The following CDH13 variants were observed in gnomAD, a reference collection of about 807,000 sequenced individuals.
CDH13 encodes the protein cadherin-13.
In CDH13, 24 loss-of-function variants were observed where a neutral mutation model predicts 63.8. That is an observed-to-expected ratio of 0.38 (90% CI 0.27 to 0.53). CDH13 has a LOEUF of 0.53. Among genes scored for constraint, CDH13 ranks in the 20% least tolerant of loss-of-function variants. The probability of loss-of-function intolerance (pLI) is 0.85; values close to 1 mark genes in which losing one functional copy is unlikely to be tolerated. For missense variants in CDH13, 1,049 were observed against 903.1 expected, an observed-to-expected ratio of 1.16 and a Z score of -2.07; for synonymous variants, 503 against 355.3, an observed-to-expected ratio of 1.42 and a Z score of -4.67.
chr16:83,583,234 C>G (rs952955749), intron 7 of CDH13, among the ~76,000 whole-genome samples: 2 of 152,186 alleles, frequency 1.3e-5, no homozygotes, highest in Admixed American at 6.5e-5. Flanking sequence ...CCAAAATCAT[C>G]TCGTCTCCAG....
chr16:83,460,764 C>A (rs928038982), intron 6 of CDH13, among the ~76,000 whole-genome samples: 1 of 150,644 alleles, frequency 6.6e-6, no homozygotes, highest in Non-Finnish European at 1.5e-5. Flanking sequence ...GAGGCCGAGG[C>A]GGGAGGATTG....
chr16:82,790,661 CT>C (rs759965789), intron 1 of CDH13, among the ~76,000 whole-genome samples: 4 of 152,142 alleles, frequency 2.6e-5, no homozygotes, highest in Non-Finnish European at 5.9e-5. Context: ...GTTTAATTGA[CT>C]CACAGTTCAC....
intron 1 of CDH13, among the ~76,000 whole-genome samples, chr16:82,693,982 A>G (rs535245018): frequency 3.0e-4 from 45 of 152,314 alleles, no homozygotes; most frequent in African/African-American, 9.1e-4. Flanking sequence ...TGCTGCGTAC[A>G]TGGTCCTGGG....
At chr16:83,738,793 C>T (rs1175274737) in intron 10 of CDH13, among the ~76,000 whole-genome samples, 1 of 152,154 alleles carries the variant, frequency 6.6e-6, no homozygotes, top group Admixed American at 6.5e-5. Context: ...GTAATCTCAG[C>T]TACTTGGGAG....
chr16:82,863,684 A>G (rs1419378090), intron 2 of CDH13, among the ~76,000 whole-genome samples: 1 of 152,206 alleles, frequency 6.6e-6, no homozygotes, highest in East Asian at 1.9e-4. Flanking sequence ...TTCTGCTGTT[A>G]CTATTATTAT....
intron 10 of CDH13, among the ~76,000 whole-genome samples, chr16:83,741,999 T>A (rs1446942517): frequency 6.6e-6 from 1 of 152,202 alleles, no homozygotes; most frequent in Non-Finnish European, 1.5e-5. Flanking sequence ...ACGAAACCAG[T>A]CCATGGTGCC....
intron 4 of CDH13, among the ~76,000 whole-genome samples, chr16:83,140,586 T>A (rs1353806610): frequency 6.6e-6 from 1 of 152,184 alleles, no homozygotes; most frequent in Non-Finnish European, 1.5e-5. Context: ...CCAGGGTAGC[T>A]GGGATTACAG....
At chr16:82,752,745 C>A (rs1366391843) in intron 1 of CDH13, among the ~76,000 whole-genome samples, 2 of 152,286 alleles carry the variant, frequency 1.3e-5, no homozygotes, top group East Asian at 3.9e-4. Context: ...TCATCTCTTT[C>A]CACTGTGATT....
At chr16:82,664,343 T>C (rs8045995) in intron 1 of CDH13, among the ~76,000 whole-genome samples, 97,806 of 152,086 alleles carry the variant, frequency 0.64, 31,543 homozygotes, top group Non-Finnish European at 0.66. Context: ...CTGACAGTGA[T>C]TTGCACTAGC....
At chr16:83,169,394 C>T (rs184046462) in intron 4 of CDH13, among the ~76,000 whole-genome samples, 11 of 152,162 alleles carry the variant, frequency 7.2e-5, no homozygotes, top group Admixed American at 5.2e-4. Context: ...CCAGGATTGT[C>T]TTGATGTCTT....
At chr16:83,311,318 G>A (rs2089995048) in intron 5 of CDH13, among the ~76,000 whole-genome samples, 1 of 140,076 alleles carries the variant, frequency 7.1e-6, no homozygotes, top group African/African-American at 2.7e-5. Context: ...TTTGCAGCAA[G>A]GAGATTGTTA....
At chr16:83,363,295 C>T (rs1417874324) in intron 6 of CDH13, among the ~76,000 whole-genome samples, 2 of 152,134 alleles carry the variant, frequency 1.3e-5, no homozygotes, top group East Asian at 3.8e-4. Context: ...TTTGGACTTT[C>T]CTTTGTGGCT....
chr16:83,013,630 G>A (rs1914382597), intron 2 of CDH13, among the ~76,000 whole-genome samples: 1 of 152,190 alleles, frequency 6.6e-6, no homozygotes, highest in Non-Finnish European at 1.5e-5. Context: ...CAGAAAATCA[G>A]AAAGTCAGTA....
intron 2 of CDH13, among the ~76,000 whole-genome samples, chr16:83,025,251 G>C (rs925111824): frequency 6.6e-6 from 1 of 152,146 alleles, no homozygotes; most frequent in Non-Finnish European, 1.5e-5. Context: ...TATGGATAAA[G>C]ATGTCGAGGA....
At chr16:83,624,252 C>G (rs564639733) in intron 8 of CDH13, among the ~76,000 whole-genome samples, 2 of 152,202 alleles carry the variant, frequency 1.3e-5, no homozygotes, top group South Asian at 4.1e-4. Context: ...GATCCAAATG[C>G]TACTCTCATA....
chr16:83,180,145 T>G (rs565678838), intron 4 of CDH13, among the ~76,000 whole-genome samples: 39 of 149,560 alleles, frequency 2.6e-4, no homozygotes, highest in Admixed American at 1.2e-3. Context: ...TAAGGTTTTT[T>G]TTGTTGTTGT....
chr16:82,961,287 C>G (rs987030862), intron 2 of CDH13, among the ~76,000 whole-genome samples: 1 of 152,172 alleles, frequency 6.6e-6, no homozygotes, highest in South Asian at 2.1e-4. Context: ...AGCCGCCCGT[C>G]ATTTTCCCAG....
At chr16:83,128,210 A>G (rs962910270) in intron 4 of CDH13, among the ~76,000 whole-genome samples, 3 of 152,160 alleles carry the variant, frequency 2.0e-5, no homozygotes, top group Non-Finnish European at 4.4e-5. Context: ...ATGCATCAAT[A>G]TATGTTAAAA....
chr16:83,493,165 A>T (rs2074057518), intron 7 of CDH13, among the ~76,000 whole-genome samples: 1 of 152,236 alleles, frequency 6.6e-6, no homozygotes, highest in African/African-American at 2.4e-5. Flanking sequence ...TACTAGCGTG[A>T]TACTTATCTA....
Sources: allele counts gnomAD v4.1 joint callset (sites outside exome capture counted in the v4.1 genomes callset), GRCh38; gene constraint gnomAD v4.1.1; transcripts MANE v1.5; gene names NCBI Gene and HGNC (gene_info 2026-07-23, HGNC 2026-07-21).